IQCJ: variants seen among roughly 807,000 people sequenced by gnomAD.
IQCJ encodes the protein IQ domain-containing protein J.
In IQCJ, 9 loss-of-function variants were observed where a neutral mutation model predicts 11.0. The ratio of observed to expected loss-of-function variants is 0.82; its 90% CI spans 0.49 to 1.43. The LOEUF is 1.43. Ranked by LOEUF, IQCJ falls within the 40% of genes most tolerant of loss-of-function variation. The pLI, the probability that IQCJ is intolerant of heterozygous loss-of-function variation, is 0.00. For missense variants in IQCJ, 146 were observed against 133.2 expected, an observed-to-expected ratio of 1.10 and a Z score of -0.47; for synonymous variants, 55 against 51.3, an observed-to-expected ratio of 1.07 and a Z score of -0.31.
intron 1 of IQCJ, among the ~76,000 whole-genome samples, chr3:159,202,395 G>A (rs756587713): frequency 6.6e-6 from 1 of 152,188 alleles, no homozygotes; most frequent in African/African-American, 2.4e-5. Context: ...GAAAAATAAA[G>A]ATGCAATTTA....
At chr3:159,183,060 G>A (rs1208128225) in intron 1 of IQCJ, among the ~76,000 whole-genome samples, 1 of 152,128 alleles carries the variant, frequency 6.6e-6, no homozygotes, top group Admixed American at 6.5e-5. Context: ...GATAGGAGTA[G>A]GGAAAGTTCT....
chr3:159,158,797 A>G (rs918510986), intron 1 of IQCJ, among the ~76,000 whole-genome samples: 11 of 152,216 alleles, frequency 7.2e-5, no homozygotes, highest in African/African-American at 2.7e-4. Flanking sequence ...CTAAAACATC[A>G]TTTACATTCA....
chr3:159,118,807 C>A (rs186731388), intron 1 of IQCJ, among the ~76,000 whole-genome samples: 41 of 152,262 alleles, frequency 2.7e-4, no homozygotes, highest in African/African-American at 8.7e-4. Context: ...ATATTGGAAA[C>A]CCCTTGAAAG....
intron 1 of IQCJ, among the ~76,000 whole-genome samples, chr3:159,092,759 A>G (rs1329147425): frequency 6.7e-6 from 1 of 150,352 alleles, no homozygotes; most frequent in Admixed American, 6.6e-5. Flanking sequence ...GGGAATGTCA[A>G]TGTAAACTGT....
At chr3:159,069,625 A>G (rs948040171) in intron 1 of IQCJ, 184 bp downstream of exon 1, 19 of 744,128 alleles carry the variant, frequency 2.6e-5, no homozygotes, top group Non-Finnish European at 3.0e-5. Context: ...TAATGTAGGC[A>G]TGTGTGCATA....
chr3:159,151,236 G>A (rs2088852), intron 1 of IQCJ, among the ~76,000 whole-genome samples: 6,078 of 152,294 alleles, frequency 0.04, 422 homozygotes, highest in African/African-American at 0.14. Context: ...TTAGCCTGGT[G>A]GCGTGGGGAG....
chr3:159,132,567 A>G (rs557055711), intron 1 of IQCJ, among the ~76,000 whole-genome samples: 2 of 152,274 alleles, frequency 1.3e-5, no homozygotes, highest in South Asian at 2.1e-4. Flanking sequence ...GTCTAATTCA[A>G]TCTGTTTCCT....
At chr3:159,215,511 A>G (rs947495841) in intron 1 of IQCJ, among the ~76,000 whole-genome samples, 2 of 152,320 alleles carry the variant, frequency 1.3e-5, no homozygotes, top group South Asian at 2.1e-4. Context: ...TTAAAAACCA[A>G]CATACAATGA....
At chr3:159,191,912 AT>A (rs1202932510) in intron 1 of IQCJ, among the ~76,000 whole-genome samples, 1 of 152,134 alleles carries the variant, frequency 6.6e-6, no homozygotes, top group Non-Finnish European at 1.5e-5. Flanking sequence ...CATTATGATG[AT>A]TTTCCTGTTG....
In IQCJ at chr3:159,200,104, A is replaced by AATATATATATAT. The variant is rs539820364; in HGVS notation, c.10-45734_10-45723dup. On this transcript the variant is annotated intron_variant, in intron 1 of 3. Transcript: ENST00000397832. ...ATATGTATGTATGTGTTTATACATA[A>AATATATATATAT]ATATATATATATATATCACTTTGAA... Among the ~76,000 whole-genome samples the AATATATATATAT allele has an allele frequency of 1.8e-3, 207 of 116,924 alleles. 7 individuals carry two copies. Among genetic ancestry groups the AATATATATATAT allele is most frequent in the African/African-American group, 6.5e-3 (171 of 26,374 alleles). The allele number at this position is 116,924 out of a possible 152,430, so 76.7% of individuals were successfully genotyped here. A position where few individuals can be genotyped will look rare whatever the true frequency, so the allele number is the denominator to read the frequency against.
chr3:159,202,162 C>T (rs1209506981), intron 1 of IQCJ, among the ~76,000 whole-genome samples: 1 of 152,118 alleles, frequency 6.6e-6, no homozygotes, highest in Non-Finnish European at 1.5e-5. Flanking sequence ...ATAGTTTCAT[C>T]AGCCTCTCAA....
intron 1 of IQCJ, among the ~76,000 whole-genome samples, chr3:159,118,118 G>A (rs1455257634): frequency 2.6e-5 from 4 of 152,170 alleles, no homozygotes; most frequent in Non-Finnish European, 4.4e-5. Context: ...AACCTTCTAT[G>A]TCTTTAGTTT....
chr3:159,256,869 A>G (rs1015945048), intron 3 of IQCJ, among the ~76,000 whole-genome samples: 10 of 152,186 alleles, frequency 6.6e-5, no homozygotes, highest in African/African-American at 2.4e-4. Flanking sequence ...TAGTTTATCT[A>G]GGAGCTCTAT....
At chr3:159,252,831 TA>T (rs1411019458) in intron 3 of IQCJ, 24 bp downstream of exon 3, 1 of 1,598,478 alleles carries the variant, frequency 6.3e-7, no homozygotes, top group Non-Finnish European at 8.5e-7. Flanking sequence ...AAGTATAAAT[TA>T]AGCAATTAGT....
intron 3 of IQCJ, 110 bp from the exon 4 acceptor site, chr3:159,262,438 T>A: frequency 6.7e-7 from 1 of 1,491,464 alleles, no homozygotes; most frequent in South Asian, 1.3e-5. Context: ...TCTACTTCCC[T>A]TGGCACCAAA....
At position 159,232,451 on chromosome 3, in the gene IQCJ, C is replaced by CTTT. The variant is rs35423818; in HGVS notation, c.10-13371_10-13369dup. 8.6e-3 allele frequency among the ~76,000 whole-genome samples: 716 copies of CTTT among 83,564 alleles called. 3 individuals are homozygous for CTTT. The highest frequency in any genetic ancestry group is 0.011 in the Non-Finnish European group (460 of 43,642). The allele number at this position is 83,564 out of a possible 152,430, so 54.8% of individuals were successfully genotyped here. A position where few individuals can be genotyped will look rare whatever the true frequency, so the allele number is the denominator to read the frequency against. ...GTGTAGTGCCGTTTTGAGAGACTTTCTTTTTTTTTTTTTTTTTTTTTTTGA... is the reference window on the plus strand; with the variant it reads ...GTGTAGTGCCGTTTTGAGAGACTTTCTTTTTTTTTTTTTTTTTTTTTTTTTTGA... On this transcript the variant is annotated intron_variant, in intron 1 of 3. Coordinates refer to ENST00000397832, the MANE Select transcript of IQCJ (RefSeq NM_001042706.3).
Position 159,201,364 on chromosome 3 carries a change from CCAAA to C in IQCJ, c.10-44474_10-44471del, listed in dbSNP as rs369228420. Among the ~76,000 whole-genome samples, 904 of 152,072 alleles carry C rather than the reference CCAAA, an allele frequency of 5.9e-3. 5 individuals are homozygous for C. Among genetic ancestry groups the C allele is most frequent in the South Asian group, 0.024 (114 of 4,816 alleles). On this transcript the variant is annotated intron_variant, in intron 1 of 3. Transcript: ENST00000397832. ...ATATGGTAGTGTGATTTAGAAAATG[CCAAA>C]CAAAGGTATTTTGTAAACAAGCACG... is the stretch of plus-strand genomic sequence containing the variant.
intron 1 of IQCJ, among the ~76,000 whole-genome samples, chr3:159,173,248 A>G (rs1401935002): frequency 2.0e-5 from 3 of 152,212 alleles, no homozygotes; most frequent in Admixed American, 2.0e-4. Context: ...CCTTAATGCT[A>G]GATTCTTTTC....
chr3:159,211,623 T>C (rs1282557560), intron 1 of IQCJ, among the ~76,000 whole-genome samples: 2 of 152,176 alleles, frequency 1.3e-5, no homozygotes, highest in Admixed American at 1.3e-4. Flanking sequence ...TTACTTTCAA[T>C]TGTGAATTAA....
Sources: gnomAD v4.1 joint callset for allele counts (sites outside exome capture counted in the v4.1 genomes callset) on GRCh38, gnomAD v4.1.1 for gene constraint, MANE v1.5 for transcripts, NCBI Gene and HGNC (gene_info 2026-07-23, HGNC 2026-07-21) for gene names.